The following FAXC variants were observed in gnomAD, a reference collection of about 807,000 sequenced individuals.
FAXC encodes the protein failed axon connections homolog, metaxin like GST domain containing.
FAXC carries 10 observed loss-of-function variants against 41.9 expected under a neutral mutation model. The ratio of observed to expected loss-of-function variants is 0.24; its 90% CI spans 0.15 to 0.41. The LOEUF is 0.41. FAXC is among the 10% of genes least tolerant of loss of function. The probability of loss-of-function intolerance (pLI) is 1.00; values close to 1 mark genes in which losing one functional copy is unlikely to be tolerated. For missense variants in FAXC, 399 were observed against 510.9 expected (o/e 0.78, Z 2.11); for synonymous variants, 183 against 183.8 (o/e 1.00, Z 0.03).
intron 4 of FAXC, among the ~76,000 whole-genome samples, chr6:99,300,885 C>A (rs2128453028): frequency 6.6e-6 from 1 of 152,330 alleles, no homozygotes; most frequent in South Asian, 2.1e-4. Flanking sequence ...AAGGAACTCG[C>A]CCATCTTTTG....
At chr6:99,297,648 T>C (rs1771548942) in intron 4 of FAXC, among the ~76,000 whole-genome samples, 1 of 152,136 alleles carries the variant, frequency 6.6e-6, no homozygotes, top group Admixed American at 6.5e-5. Context: ...GGAGGATGTA[T>C]GAGAGCTGAC....
At chr6:99,314,855 A>G (rs1237540267) in intron 4 of FAXC, among the ~76,000 whole-genome samples, 13 of 152,050 alleles carry the variant, frequency 8.5e-5, no homozygotes, top group Admixed American at 7.9e-4. Context: ...AGTCCACGCT[A>G]TTCTACTCAC....
chr6:99,349,367 G>GT lies in FAXC; in HGVS notation c.5dup (p.His2GlnfsTer88). ...TGGACGAAGCAAAGCCAACCCCCCAGTGCATGCTGCGCGGCTGGCTCCGGG... is the reference window on the plus strand; with the variant it reads ...TGGACGAAGCAAAGCCAACCCCCCAGTTGCATGCTGCGCGGCTGGCTCCGGG... On this transcript the variant is annotated frameshift_variant, in exon 1 of 6. Transcript: ENST00000389677. LOFTEE classifies it high-confidence loss of function. The GT allele has an allele frequency of 6.2e-7, 1 of 1,609,480 alleles. No individual in the cohort carries two copies. Among genetic ancestry groups the GT allele is most frequent in the Non-Finnish European group, 8.5e-7 (1 of 1,178,358 alleles).
At position 99,333,380 on chromosome 6, in the gene FAXC, C is replaced by G; in HGVS notation, c.570G>C (p.Val190=). 1 of 1,613,372 alleles carries G rather than the reference C, an allele frequency of 6.2e-7. No individual in the cohort carries two copies. Among genetic ancestry groups the G allele is most frequent in the Non-Finnish European group, 8.5e-7 (1 of 1,179,792 alleles). The change falls in exon 3 of 6, where the codon GTG becomes GTC. Residue 190 remains valine (V), a synonymous_variant. Transcript: ENST00000389677. ...AGAAGTGCTCCTCCACCATCTTGGTCACCGCTCTGGAGATGGCTCTTTCAT... is the reference window on the plus strand; with the variant it reads ...AGAAGTGCTCCTCCACCATCTTGGTGACCGCTCTGGAGATGGCTCTTTCAT... ...GPHERAISRA[V]TKMVEEHFYW... is the part of the protein sequence containing the mutation.
At chr6:99,326,171 C>G (rs1772795994) in intron 3 of FAXC, among the ~76,000 whole-genome samples, 1 of 152,164 alleles carries the variant, frequency 6.6e-6, no homozygotes, top group South Asian at 2.1e-4. Flanking sequence ...AGGCTTTAAA[C>G]AGACAAGAAA....
At chr6:99,331,194 C>T (rs1048185823) in intron 3 of FAXC, among the ~76,000 whole-genome samples, 1 of 152,154 alleles carries the variant, frequency 6.6e-6, no homozygotes, top group Non-Finnish European at 1.5e-5. Flanking sequence ...ATTGAGAAGA[C>T]ATAAGCAAGA....
chr6:99,322,916 GC>G (rs1401872424), intron 4 of FAXC, among the ~76,000 whole-genome samples: 1 of 152,142 alleles, frequency 6.6e-6, no homozygotes, highest in Admixed American at 6.5e-5. Flanking sequence ...TACTAAATGT[GC>G]TAGTAATAAG....
upstream of FAXC, chr6:99,349,736 G>GCCCTGCC (rs1773738634): frequency 6.6e-6 from 1 of 151,880 alleles, no homozygotes; most frequent in South Asian, 2.1e-4. Flanking sequence ...CCTACCCCGC[G>GCCCTGCC]CCCTGCCCCC....
intron 2 of FAXC, among the ~76,000 whole-genome samples, chr6:99,341,918 C>A (rs1350461069): frequency 6.6e-6 from 1 of 152,002 alleles, no homozygotes; most frequent in Non-Finnish European, 1.5e-5. Flanking sequence ...AAAATCAAAG[C>A]TTAAAATAGT....
chr6:99,294,069 C>T (rs1170464476), intron 4 of FAXC, among the ~76,000 whole-genome samples: 1 of 152,116 alleles, frequency 6.6e-6, no homozygotes, highest in Non-Finnish European at 1.5e-5. Flanking sequence ...TACAGTAGGG[C>T]AATATGCTGA....
rs892577297 is a variant in FAXC at position 99,333,443 on chromosome 6, C to T, written c.507G>A (p.Glu169=). The change falls in exon 3 of 6, where the codon GAG becomes GAA. Residue 169 remains glutamate (E), a synonymous_variant. Transcript: ENST00000389677. ...TTTTGTTTAAATTCACTCCAAGCTTCTCTTCCAGAAAGTCAATTATGAATT... is the reference window on the plus strand; with the variant it reads ...TTTTGTTTAAATTCACTCCAAGCTTTTCTTCCAGAAAGTCAATTATGAATT... ...GTEFIIDFLE[E]KLGVNLNKNL... The T allele has an allele frequency of 3.1e-6, 5 of 1,614,176 alleles. No individual in the cohort carries two copies. The highest frequency in any genetic ancestry group is 4.2e-6 in the Non-Finnish European group (5 of 1,180,022).
Position 99,279,218 on chromosome 6 carries a change from C to A in FAXC, c.*1946G>T, listed in dbSNP as rs553511578. On this transcript the variant is annotated 3_prime_UTR_variant, in exon 6 of 6. Transcript: ENST00000389677. ...GCTTATCCATTCATATCTTCTCCAC[C>A]ACATTCTTATTAGGCATCAAACAGT... is the stretch of plus-strand genomic sequence containing the variant. 6.6e-6 allele frequency: 1 copy of A among 152,274 alleles called. No homozygotes were observed. The highest frequency in any genetic ancestry group is 2.4e-5 in the African/African-American group (1 of 41,562). The allele number at this position is 152,274 out of a possible 1,614,324, so 9.4% of individuals were successfully genotyped here. A position where few individuals can be genotyped will look rare whatever the true frequency, so the allele number is the denominator to read the frequency against.
intron 4 of FAXC, among the ~76,000 whole-genome samples, chr6:99,318,303 ACAC>A (rs1404020939): frequency 3.6e-5 from 5 of 137,036 alleles, no homozygotes; most frequent in Non-Finnish European, 6.5e-5. Context: ...ACACACACAC[ACAC>A]AAAATAGAAG....
At chr6:99,301,374 C>A (rs1771700118) in intron 4 of FAXC, among the ~76,000 whole-genome samples, 1 of 152,200 alleles carries the variant, frequency 6.6e-6, no homozygotes, top group African/African-American at 2.4e-5. Context: ...TCTCTGTGCC[C>A]TGACAATTCA....
At chr6:99,295,457 C>T (rs1431067502) in intron 4 of FAXC, among the ~76,000 whole-genome samples, 1 of 152,118 alleles carries the variant, frequency 6.6e-6, no homozygotes, top group Non-Finnish European at 1.5e-5. Context: ...GTGGGTGGGC[C>T]TCATCCAATC....
intron 4 of FAXC, among the ~76,000 whole-genome samples, chr6:99,313,040 C>T (rs944500513): frequency 3.3e-5 from 5 of 152,328 alleles, no homozygotes; most frequent in Middle Eastern, 6.8e-3. Flanking sequence ...CGTCTACAAT[C>T]CCAGCACGTT....
In FAXC at chr6:99,274,361, C is replaced by T. The variant is rs1770524909; in HGVS notation, c.*6803G>A. ...TTATTATTTTAGCAAGATGGCACCA[C>T]CTAGAAAACTTTCAATTGCCTGATA... On this transcript the variant is annotated 3_prime_UTR_variant, in exon 6 of 6. Coordinates refer to ENST00000389677, the MANE Select transcript of FAXC (RefSeq NM_032511.4). The T allele has an allele frequency of 6.6e-6, 1 of 152,138 alleles. No homozygotes were observed. 9.4% of individuals were successfully genotyped at this position (152,138 alleles called of 1,614,324 possible). A position where few individuals can be genotyped will look rare whatever the true frequency, so the allele number is the denominator to read the frequency against.
intron 2 of FAXC, among the ~76,000 whole-genome samples, chr6:99,337,811 T>C (rs577480527): frequency 6.6e-6 from 1 of 152,360 alleles, no homozygotes; most frequent in East Asian, 1.9e-4. Context: ...AAATAAGCCT[T>C]TTGATTTCCT....
chr6:99,342,671 T>C (rs775957054), intron 2 of FAXC, among the ~76,000 whole-genome samples: 1 of 152,180 alleles, frequency 6.6e-6, no homozygotes, highest in African/African-American at 2.4e-5. Flanking sequence ...AAGAAAAATA[T>C]CATGGCGCTG....
Sources: gnomAD v4.1 joint callset for allele counts (sites outside exome capture counted in the v4.1 genomes callset) on GRCh38, gnomAD v4.1.1 for gene constraint, MANE v1.5 for transcripts, NCBI Gene and HGNC (gene_info 2026-07-23, HGNC 2026-07-21) for gene names.